Variants in TMCC1 observed in about 807,000 individuals in gnomAD.
The protein encoded by TMCC1 is transmembrane and coiled-coil domains protein 1.
A neutral mutation model predicts 52.4 loss-of-function variants in TMCC1; 15 were observed. That is an observed-to-expected ratio of 0.29 (90% CI 0.19 to 0.44). The LOEUF (loss-of-function observed/expected upper bound fraction) is 0.44. TMCC1 is among the 20% of genes least tolerant of loss of function. The pLI is 1.00. For missense variants in TMCC1, 503 were observed against 806.0 expected, an observed-to-expected ratio of 0.62 and a Z score of 4.55; for synonymous variants, 279 against 301.9, an observed-to-expected ratio of 0.92 and a Z score of 0.79.
At chr3:129,738,273 C>CAAAAAA (rs575044593) in intron 4 of TMCC1, among the ~76,000 whole-genome samples, 1 of 118,462 alleles carries the variant, frequency 8.4e-6, no homozygotes, top group Non-Finnish European at 1.6e-5. Context: ...TCCGCCTAAA[C>CAAAAAA]AAAAAAAAAA....
At chr3:129,782,107 C>T (rs533927786) in intron 4 of TMCC1, among the ~76,000 whole-genome samples, 9 of 152,140 alleles carry the variant, frequency 5.9e-5, no homozygotes, top group South Asian at 2.1e-4. Flanking sequence ...GTCTGTCAGA[C>T]ATTCTAACTG....
intron 4 of TMCC1, among the ~76,000 whole-genome samples, chr3:129,698,191 G>C (rs570924676): frequency 1.0e-3 from 152 of 152,296 alleles, no homozygotes; most frequent in African/African-American, 3.4e-3. Context: ...TGGACTCATA[G>C]TTCCACATGG....
intron 4 of TMCC1, among the ~76,000 whole-genome samples, chr3:129,686,948 T>C (rs1293663202): frequency 6.6e-6 from 1 of 152,128 alleles, no homozygotes; most frequent in Non-Finnish European, 1.5e-5. Context: ...AAAGTAGCAA[T>C]TCAAAAAGAG....
intron 4 of TMCC1, among the ~76,000 whole-genome samples, chr3:129,741,568 ACT>A (rs1444590086): frequency 6.6e-6 from 1 of 152,154 alleles, no homozygotes; most frequent in Non-Finnish European, 1.5e-5. Flanking sequence ...CTACTTTGCC[ACT>A]GAGTTAATTG....
chr3:129,742,935 G>T (rs2051588552), intron 4 of TMCC1, among the ~76,000 whole-genome samples: 1 of 152,124 alleles, frequency 6.6e-6, no homozygotes, highest in African/African-American at 2.4e-5. Flanking sequence ...CAGCCCCAAA[G>T]GACGACATAT....
intron 2 of TMCC1, among the ~76,000 whole-genome samples, chr3:129,875,406 G>A (rs1475455369): frequency 6.9e-6 from 1 of 144,428 alleles, no homozygotes; most frequent in Non-Finnish European, 1.5e-5. Flanking sequence ...CAGGAGAATC[G>A]CTTGAACCCT....
intron 2 of TMCC1, among the ~76,000 whole-genome samples, chr3:129,869,629 G>C (rs142080817): frequency 1.2e-3 from 178 of 152,270 alleles, no homozygotes; most frequent in African/African-American, 3.7e-3. Flanking sequence ...AACTGAAGGT[G>C]AATTAGGTGT....
intron 2 of TMCC1, among the ~76,000 whole-genome samples, chr3:129,840,804 A>G (rs1468534305): frequency 2.6e-5 from 4 of 152,186 alleles, no homozygotes; most frequent in Non-Finnish European, 5.9e-5. Flanking sequence ...TGGGGCTGAG[A>G]GTCAAATTAA....
intron 2 of TMCC1, among the ~76,000 whole-genome samples, chr3:129,854,297 C>G (rs1047559886): frequency 2.7e-4 from 41 of 150,844 alleles, no homozygotes; most frequent in African/African-American, 9.8e-4. Context: ...GAGGCTAAGA[C>G]AGCAGAATCG....
Position 129,866,314 on chromosome 3 carries a change from TTATATATACATATATACATAA to T in TMCC1, c.-184+13974_-184+13994del, listed in dbSNP as rs1326677774. Among the ~76,000 whole-genome samples the T allele has an allele frequency of 6.9e-5, 10 of 144,566 alleles. No homozygotes were observed. The South Asian group carries it at 1.7e-3, about 24-fold the overall frequency. The allele number at this position is 144,566 out of a possible 152,430, so 94.8% of individuals were successfully genotyped here. A position where few individuals can be genotyped will look rare whatever the true frequency, so the allele number is the denominator to read the frequency against. ...ACATAATATATAATATATACATATATTATATATACATATATACATAATATATATTATATATACATAATATAT... is the reference window on the plus strand; with the variant it reads ...ACATAATATATAATATATACATATATTATATATTATATATACATAATATAT... On this transcript the variant is annotated intron_variant, in intron 2 of 6. Transcript: ENST00000393238.
intron 2 of TMCC1, among the ~76,000 whole-genome samples, chr3:129,849,225 G>A (rs574244093): frequency 4.3e-4 from 66 of 152,254 alleles, no homozygotes; most frequent in African/African-American, 1.4e-3. Flanking sequence ...CACTTTGGGA[G>A]GCCAAGGTGG....
At chr3:129,868,597 C>A (rs569207204) in intron 2 of TMCC1, among the ~76,000 whole-genome samples, 30 of 152,296 alleles carry the variant, frequency 2.0e-4, no homozygotes, top group African/African-American at 7.0e-4. Context: ...CACCATCATG[C>A]CCAGCTAATT....
At chr3:129,756,904 T>C (rs909968461) in intron 4 of TMCC1, among the ~76,000 whole-genome samples, 4 of 152,230 alleles carry the variant, frequency 2.6e-5, no homozygotes, top group Non-Finnish European at 5.9e-5. Flanking sequence ...AGTTGTTGTG[T>C]ATGGTACTAT....
At chr3:129,704,421 T>A (rs182395621) in intron 4 of TMCC1, among the ~76,000 whole-genome samples, 8 of 152,258 alleles carry the variant, frequency 5.3e-5, no homozygotes, top group African/African-American at 1.7e-4. Flanking sequence ...GAGCATTTTT[T>A]ATTTGTTTAT....
chr3:129,717,469 C>A (rs940452709), intron 4 of TMCC1, among the ~76,000 whole-genome samples: 1 of 152,166 alleles, frequency 6.6e-6, no homozygotes, highest in Non-Finnish European at 1.5e-5. Context: ...TCCTTAGTAT[C>A]CTATGACTCT....
intron 4 of TMCC1, among the ~76,000 whole-genome samples, chr3:129,782,360 G>A (rs952389616): frequency 6.6e-6 from 1 of 152,152 alleles, no homozygotes; most frequent in African/African-American, 2.4e-5. Context: ...ATAGTGAGGT[G>A]TATAGTATCC....
intron 2 of TMCC1, among the ~76,000 whole-genome samples, chr3:129,839,361 ATAATG>A (rs1560522879): frequency 1.3e-5 from 2 of 152,244 alleles, no homozygotes; most frequent in African/African-American, 4.8e-5. Flanking sequence ...TTTAAAATGT[ATAATG>A]TAAACAAAAA....
chr3:129,840,677 A>C (rs1280588382), intron 2 of TMCC1, among the ~76,000 whole-genome samples: 1 of 152,084 alleles, frequency 6.6e-6, no homozygotes, highest in Non-Finnish European at 1.5e-5. Flanking sequence ...ATGAAATCTG[A>C]TTGTTTAAAA....
At position 129,850,022 on chromosome 3, in the gene TMCC1, CTG is replaced by C. The variant is rs748874195; in HGVS notation, c.-183-17198_-183-17197del. On this transcript the variant is annotated intron_variant, in intron 2 of 6. Transcript: ENST00000393238. The stretch of plus-strand genomic sequence containing the variant: ...ATTTAGATTAGGTATCATTTGAAAA[CTG>C]TTAGTATTTTACCAACATTCTGCAT... Among the ~76,000 whole-genome samples the C allele has an allele frequency of 4.6e-5, 7 of 151,824 alleles. No homozygotes were observed. The East Asian group carries it at 1.4e-3, about 29-fold the overall frequency.
Sources: allele counts gnomAD v4.1 joint callset (sites outside exome capture counted in the v4.1 genomes callset), GRCh38; gene constraint gnomAD v4.1.1; transcripts MANE v1.5; gene names NCBI Gene and HGNC (gene_info 2026-07-23, HGNC 2026-07-21).